Variants in ABHD3 observed in about 807,000 individuals in gnomAD.
ABHD3 encodes phospholipase ABHD3.
ABHD3 carries 46 observed loss-of-function variants against 48.8 expected under a neutral mutation model. The observed-to-expected ratio is 0.94, with a 90% CI of 0.74 to 1.20. The LOEUF is 1.20. ABHD3 is among the 50% of genes most tolerant of loss of function. The pLI is 0.00. For synonymous variants in ABHD3, 192 were observed against 183.7 expected (o/e 1.04, Z -0.36); for missense variants, 490 against 497.8 (o/e 0.98, Z 0.15).
chr18:21,660,685 T>C (rs192919100), intron 5 of ABHD3, among the ~76,000 whole-genome samples: 110 of 152,312 alleles, frequency 7.2e-4, no homozygotes, highest in African/African-American at 2.5e-3. Context: ...CCAGTTCAAA[T>C]GACTTGCTGG....
At chr18:21,657,514 G>GTTT (rs562560785) in intron 6 of ABHD3, among the ~76,000 whole-genome samples, 1 of 147,968 alleles carries the variant, frequency 6.8e-6, no homozygotes, top group African/African-American at 2.5e-5. Flanking sequence ...AATTTTGTGG[G>GTTT]TTTTTTTTTT....
intron 4 of ABHD3, among the ~76,000 whole-genome samples, chr18:21,669,452 G>C (rs1162163043): frequency 6.6e-6 from 1 of 151,964 alleles, no homozygotes; most frequent in African/African-American, 2.4e-5. Flanking sequence ...TCTTAGGCTT[G>C]TATCTGCTTA....
At chr18:21,673,005 A>G (rs563141622) in intron 4 of ABHD3, among the ~76,000 whole-genome samples, 3 of 152,326 alleles carry the variant, frequency 2.0e-5, no homozygotes, top group Admixed American at 6.5e-5. Context: ...GCAGCCGTGC[A>G]TGCTCATGAT....
intron 4 of ABHD3, among the ~76,000 whole-genome samples, chr18:21,668,217 A>AAAAAAAAAG (rs1370034550): frequency 1.2e-3 from 163 of 137,536 alleles, no homozygotes; most frequent in African/African-American, 2.0e-3. Flanking sequence ...AAAAAAAAAA[A>AAAAAAAAAG]AAAGAAAGAA....
rs964911028 is a variant in ABHD3 at position 21,704,740 on chromosome 18, C to T, written c.-75G>A. On this transcript the variant is annotated 5_prime_UTR_variant, in exon 1 of 9. Transcript: ENST00000289119. ...GCGAGCGGGCGAGAGCGGGCGAGAGCGGACGCGGCGCCGCTGCCTACTCCC... is the reference window on the plus strand; with the variant it reads ...GCGAGCGGGCGAGAGCGGGCGAGAGTGGACGCGGCGCCGCTGCCTACTCCC... The T allele has an allele frequency of 9.6e-5, 123 of 1,285,674 alleles. No individual in the cohort carries two copies. The highest frequency in any genetic ancestry group is 1.2e-4 in the Non-Finnish European group (117 of 1,001,190). The allele number at this position is 1,285,674 out of a possible 1,614,324, so 79.6% of individuals were successfully genotyped here. A position where few individuals can be genotyped will look rare whatever the true frequency, so the allele number is the denominator to read the frequency against.
At chr18:21,685,122 T>C (rs1252822985) in intron 3 of ABHD3, among the ~76,000 whole-genome samples, 1 of 152,258 alleles carries the variant, frequency 6.6e-6, no homozygotes. Flanking sequence ...TTGATTTGTG[T>C]CTACACAGGT....
At chr18:21,698,389 G>C (rs1157476978) in intron 3 of ABHD3, among the ~76,000 whole-genome samples, 1 of 151,798 alleles carries the variant, frequency 6.6e-6, no homozygotes, top group Non-Finnish European at 1.5e-5. Context: ...GTTTCACCAT[G>C]TTGGCCAGGC....
At chr18:21,694,543 C>T (rs2040325084) in intron 3 of ABHD3, among the ~76,000 whole-genome samples, 1 of 152,174 alleles carries the variant, frequency 6.6e-6, no homozygotes, top group Admixed American at 6.5e-5. Context: ...TTCTGTCAAA[C>T]CATACCAAAA....
chr18:21,656,677 T>G (rs1269222602), intron 8 of ABHD3, among the ~76,000 whole-genome samples, 184 bp downstream of exon 8: 1 of 152,192 alleles, frequency 6.6e-6, no homozygotes, highest in Non-Finnish European at 1.5e-5. Flanking sequence ...CCTCTCACAA[T>G]GGACTAGATA....
chr18:21,686,242 G>C (rs2040126515), intron 3 of ABHD3, among the ~76,000 whole-genome samples: 1 of 152,194 alleles, frequency 6.6e-6, no homozygotes, highest in African/African-American at 2.4e-5. Flanking sequence ...AAGATATCTT[G>C]ATATAAATAA....
chr18:21,698,191 C>CT (rs140083584), intron 3 of ABHD3, among the ~76,000 whole-genome samples: 21,814 of 146,816 alleles, frequency 0.15, 1,868 homozygotes, highest in Middle Eastern at 0.26. Flanking sequence ...AAAACATTTT[C>CT]TTTTTTTTTT....
chr18:21,661,102 T>TAAAAAAAAAAAACA (rs2039482761), intron 5 of ABHD3, among the ~76,000 whole-genome samples: 1 of 57,224 alleles, frequency 1.7e-5, no homozygotes, highest in Non-Finnish European at 3.2e-5. Context: ...AACTACAAGC[T>TAAAAAAAAAAAACA]AAAAAAAAAA....
chr18:21,669,275 GAC>G (rs1333898290), intron 4 of ABHD3, among the ~76,000 whole-genome samples: 2 of 152,052 alleles, frequency 1.3e-5, no homozygotes, highest in African/African-American at 4.8e-5. Context: ...GGTAAAGATC[GAC>G]AGTTTCCAGA....
chr18:21,687,230 A>G (rs1373127398), intron 3 of ABHD3, among the ~76,000 whole-genome samples: 1 of 150,870 alleles, frequency 6.6e-6, no homozygotes, highest in Non-Finnish European at 1.5e-5. Context: ...TTTTTTTGAG[A>G]CAGAGTCTTG....
At chr18:21,669,047 C>A (rs191743492) in intron 4 of ABHD3, among the ~76,000 whole-genome samples, 1 of 152,056 alleles carries the variant, frequency 6.6e-6, no homozygotes, top group East Asian at 1.9e-4. Context: ...CACAGCAAGA[C>A]CCCTGTCTCT....
intron 4 of ABHD3, among the ~76,000 whole-genome samples, chr18:21,677,495 T>C (rs1290099277): frequency 6.6e-6 from 1 of 151,566 alleles, no homozygotes; most frequent in Non-Finnish European, 1.5e-5. Context: ...CGTGAGCCAC[T>C]ATGCCCAGCC....
intron 6 of ABHD3, among the ~76,000 whole-genome samples, chr18:21,657,803 C>T (rs1330188784): frequency 2.6e-5 from 4 of 152,124 alleles, no homozygotes; most frequent in East Asian, 1.9e-4. Flanking sequence ...TATAGCATTG[C>T]GTGCCTGTAT....
At chr18:21,657,727 GTACTTT>G (rs1311239810) in intron 6 of ABHD3, among the ~76,000 whole-genome samples, 7 of 151,982 alleles carry the variant, frequency 4.6e-5, no homozygotes, top group Non-Finnish European at 1.5e-5. Context: ...CAAATCAACA[GTACTTT>G]TAAAGTTTAT....
chr18:21,680,473 CTTCTGAGTCCGAGGTACT>C (rs1446912738), intron 4 of ABHD3, among the ~76,000 whole-genome samples: 4 of 152,200 alleles, frequency 2.6e-5, no homozygotes, highest in Non-Finnish European at 5.9e-5. Flanking sequence ...GAACTTGGGA[CTTCTGAGTCCGAGGTACT>C]TTCTGCTACA....
Sources: allele counts gnomAD v4.1 joint callset (sites outside exome capture counted in the v4.1 genomes callset), GRCh38; gene constraint gnomAD v4.1.1; transcripts MANE v1.5; gene names NCBI Gene and HGNC (gene_info 2026-07-23, HGNC 2026-07-21).